DISC1: variants seen among roughly 807,000 people sequenced by gnomAD.
DISC1 encodes the protein disrupted in schizophrenia 1 protein.
Under a neutral mutation model 84.5 loss-of-function variants are expected in DISC1, and 57 were observed. That is an observed-to-expected ratio of 0.67 (90% CI 0.55 to 0.84). The LOEUF (loss-of-function observed/expected upper bound fraction) is 0.84, where lower values mean the gene tolerates loss of function less well. Among genes scored for constraint, DISC1 ranks in the 40% least tolerant of loss-of-function variants. The probability of loss-of-function intolerance (pLI) is 0.00; values close to 1 mark genes in which losing one functional copy is unlikely to be tolerated. For missense variants in DISC1, 1,000 were observed against 1,057.8 expected (o/e 0.95, Z 0.76); for synonymous variants, 411 against 415.2 (o/e 0.99, Z 0.12).
chr1:231,700,964 G>T (rs1269939672), intron 2 of DISC1, among the ~76,000 whole-genome samples: 1 of 152,196 alleles, frequency 6.6e-6, no homozygotes, highest in African/African-American at 2.4e-5. Flanking sequence ...AGAATTCATT[G>T]TCAGTAAATC....
chr1:231,968,611 C>CAAAAA (rs1661447595), intron 10 of DISC1, among the ~76,000 whole-genome samples: 2 of 139,186 alleles, frequency 1.4e-5, no homozygotes, highest in Non-Finnish European at 3.1e-5. Flanking sequence ...AAAAAAAAAG[C>CAAAAA]AAAAACAAAA....
Position 231,630,221 on chromosome 1 carries a change from G to A in DISC1, c.67+3287G>A, listed in dbSNP as rs543767063. ...TGGGATTACAGGCATGAGCCACTGCGCCGGGCCCTTTAAACAAGATTTAAA... is the reference window on the plus strand; with the variant it reads ...TGGGATTACAGGCATGAGCCACTGCACCGGGCCCTTTAAACAAGATTTAAA... On this transcript the variant is annotated intron_variant, in intron 1 of 12. Transcript: ENST00000439617. This position sits in a 1 kb window ranked among gnomAD's most constrained non-coding sequence, Gnocchi z 4.4. Among the ~76,000 whole-genome samples the A allele has an allele frequency of 6.6e-6, 1 of 152,206 alleles. No individual in the cohort carries two copies. The highest frequency in any genetic ancestry group is 1.9e-4 in the East Asian group (1 of 5,186).
chr1:231,633,295 T>C (rs1358289399), intron 1 of DISC1, among the ~76,000 whole-genome samples: 1 of 152,176 alleles, frequency 6.6e-6, no homozygotes, highest in African/African-American at 2.4e-5. Context: ...TAGTTATCCA[T>C]TGATGGAATA....
chr1:231,851,064 G>C (rs1473315484), intron 9 of DISC1, among the ~76,000 whole-genome samples: 2 of 152,140 alleles, frequency 1.3e-5, no homozygotes. Context: ...GACTTCTAAA[G>C]GGGGCCTGCC....
intron 6 of DISC1, among the ~76,000 whole-genome samples, chr1:231,791,607 G>A (rs2078357642): frequency 6.6e-6 from 1 of 152,200 alleles, no homozygotes; most frequent in Non-Finnish European, 1.5e-5. Context: ...GGGTAAATTA[G>A]GTCTGGTGTG....
intron 6 of DISC1, among the ~76,000 whole-genome samples, chr1:231,787,078 G>C (rs185041909): frequency 3.8e-4 from 58 of 152,312 alleles, no homozygotes; most frequent in Non-Finnish European, 2.9e-5. Flanking sequence ...ATTACTAAGA[G>C]AGGGTGTGGA....
In DISC1 at chr1:231,888,741, A is replaced by G. The variant is rs1474000779; in HGVS notation, c.1982-70087A>G. 3.6e-5 allele frequency among the ~76,000 whole-genome samples: 5 copies of G among 140,122 alleles called. No individual in the cohort carries two copies. In the East Asian group the frequency reaches 1.0e-3, roughly 28 times the overall value. 91.9% of individuals were successfully genotyped at this position (140,122 alleles called of 152,430 possible). On this transcript the variant is annotated intron_variant, in intron 9 of 12. Transcript: ENST00000439617. ...CGACAGAGTGAGGCTCTGTCTCCAA[A>G]AAAAAAAAAAAAAAAAAAAAGAGTG...
chr1:231,924,111 C>T (rs1409081440), intron 9 of DISC1, among the ~76,000 whole-genome samples: 1 of 152,222 alleles, frequency 6.6e-6, no homozygotes, highest in Non-Finnish European at 1.5e-5. Flanking sequence ...ATTTAAAGAG[C>T]TTGTCGTATA....
At chr1:231,969,594 CT>C (rs1242596568) in intron 10 of DISC1, among the ~76,000 whole-genome samples, 116 of 78,950 alleles carry the variant, frequency 1.5e-3, no homozygotes, top group Non-Finnish European at 2.1e-3. Context: ...TTCTTTCTTT[CT>C]TTCTTTTTTT....
intron 11 of DISC1, among the ~76,000 whole-genome samples, chr1:232,020,180 A>G (rs1282785912): frequency 6.6e-6 from 1 of 151,994 alleles, no homozygotes; most frequent in African/African-American, 2.4e-5. Flanking sequence ...TGCCTCTACT[A>G]AAAATACAAA....
chr1:231,952,019 G>A (rs1434359738), intron 9 of DISC1, among the ~76,000 whole-genome samples: 1 of 146,262 alleles, frequency 6.8e-6, no homozygotes, highest in Non-Finnish European at 1.5e-5. Context: ...GGAGTTCAAG[G>A]CTGTAGTGAG....
Position 232,026,505 on chromosome 1 carries a change from A to C in DISC1, c.2378A>C (p.Glu793Ala), listed in dbSNP as rs1404989169. The change falls in exon 12 of 13, where the codon GAA becomes GCA. Residue 793 changes from glutamate to alanine, a missense_variant. Physicochemically the swap from Glu to Ala is moderately radical, Grantham distance 107. Coordinates refer to ENST00000439617, the MANE Select transcript of DISC1 (RefSeq NM_018662.3). ...EDIGKKLLYL[E>A]DQLHTAIHSH... ...ATAGGCAAGAAGCTATTGTACTTGG[A>C]AGATCAACTTCACACAGCAATCCAC... 6.2e-7 allele frequency: 1 copy of C among 1,608,288 alleles called. No individual in the cohort carries two copies. Among genetic ancestry groups the C allele is most frequent in the Non-Finnish European group, 8.5e-7 (1 of 1,177,234 alleles).
At position 232,036,817 on chromosome 1, in the gene DISC1, G is replaced by T; in HGVS notation, c.2551G>T (p.Glu851Ter). 1.3e-6 allele frequency: 2 copies of T among 1,579,366 alleles called. 1 individual carries two copies. ...AASCMTAGVHEAQA is the reference protein window; with the variant it reads ...AASCMTAGVH ...TTCCTGCATGACAGCTGGTGTCCAC[G>T]AAGCACAAGCCTGAGGAGTGACGGG... is the stretch of plus-strand genomic sequence containing the variant. Residue 851 changes from glutamate to a stop codon, truncating the protein, a stop_gained, in exon 13 of 13, where the codon GAA becomes TAA. Transcript: ENST00000439617. LOFTEE classifies it high-confidence loss of function.
At chr1:231,965,403 C>T (rs1478290162) in intron 10 of DISC1, among the ~76,000 whole-genome samples, 5 of 152,110 alleles carry the variant, frequency 3.3e-5, no homozygotes, top group Admixed American at 6.5e-5. Flanking sequence ...AGGGTGACTG[C>T]GGTCAGTACC....
In DISC1 at chr1:231,702,318, T is replaced by C. The variant is rs537327412; in HGVS notation, c.1117+294T>C. On this transcript the variant is annotated intron_variant, in intron 3 of 12. Coordinates refer to ENST00000439617, the MANE Select transcript of DISC1 (RefSeq NM_018662.3). ...TGCCACCTGTCTGCCCATGGTGTGA[T>C]GTATCTATAATCCACTTGTTCATAA... The C allele has an allele frequency of 8.0e-6, 9 of 1,119,140 alleles. No individual in the cohort carries two copies. In the South Asian group the frequency reaches 1.8e-4, roughly 22 times the overall value. The allele number at this position is 1,119,140 out of a possible 1,614,324, so 69.3% of individuals were successfully genotyped here. A position where few individuals can be genotyped will look rare whatever the true frequency, so the allele number is the denominator to read the frequency against.
intron 9 of DISC1, among the ~76,000 whole-genome samples, chr1:231,883,403 C>CTA (rs1267539619): frequency 6.6e-6 from 1 of 152,052 alleles, no homozygotes; most frequent in African/African-American, 2.4e-5. Flanking sequence ...AGGGGCTGGC[C>CTA]TAGTGAAAGG....
At chr1:231,876,235 A>G (rs975979751) in intron 9 of DISC1, among the ~76,000 whole-genome samples, 1 of 152,122 alleles carries the variant, frequency 6.6e-6, no homozygotes, top group Non-Finnish European at 1.5e-5. Context: ...GTGAGTTCTC[A>G]TGAGATCTGG....
chr1:231,931,096 G>A (rs760762978), intron 9 of DISC1, among the ~76,000 whole-genome samples: 30 of 152,124 alleles, frequency 2.0e-4, no homozygotes, highest in Non-Finnish European at 4.1e-4. Flanking sequence ...ACCCACTCTG[G>A]CCAAGTCCTG....
At chr1:231,648,891 G>C (rs192664965) in intron 1 of DISC1, among the ~76,000 whole-genome samples, 21 of 152,270 alleles carry the variant, frequency 1.4e-4, no homozygotes, top group African/African-American at 5.1e-4. Flanking sequence ...ATTTCTGTGG[G>C]ATCAGTGGTG....
Sources: gnomAD v4.1 joint callset for allele counts (sites outside exome capture counted in the v4.1 genomes callset) on GRCh38, gnomAD v4.1.1 for gene constraint, Gnocchi (gnomAD v3.1) non-coding constraint, MANE v1.5 for transcripts, NCBI Gene and HGNC (gene_info 2026-07-23, HGNC 2026-07-21) for gene names.